Variants in ARHGAP21 observed in about 807,000 individuals in gnomAD.
The protein encoded by ARHGAP21 is Rho GTPase activating protein 21.
Under a neutral mutation model 164.6 loss-of-function variants are expected in ARHGAP21, and 38 were observed. The observed-to-expected ratio is 0.23, with a 90% CI of 0.18 to 0.30. The LOEUF (loss-of-function observed/expected upper bound fraction) is 0.30, where lower values mean the gene tolerates loss of function less well. Among genes scored for constraint, ARHGAP21 ranks in the 10% least tolerant of loss-of-function variants. The probability of loss-of-function intolerance (pLI) is 1.00; values close to 1 mark genes in which losing one functional copy is unlikely to be tolerated. For synonymous variants in ARHGAP21, 766 were observed against 857.9 expected (o/e 0.89, Z 1.87); for missense variants, 1,822 against 2,370.7 (o/e 0.77, Z 4.81).
chr10:24,656,395 G>A (rs1220515797), intron 4 of ARHGAP21, among the ~76,000 whole-genome samples: 1 of 101,388 alleles, frequency 9.9e-6, no homozygotes, highest in Admixed American at 8.5e-5. Flanking sequence ...GAGGTGGGGG[G>A]GTCAGCCCTC....
chr10:24,622,439 T>TAA (rs1834654245), intron 8 of ARHGAP21, among the ~76,000 whole-genome samples: 1 of 6,150 alleles, frequency 1.6e-4, no homozygotes, highest in African/African-American at 1.2e-3. Flanking sequence ...AAAACATATA[T>TAA]ATATATATAT....
chr10:24,712,388 G>A (rs977209206), intron 2 of ARHGAP21, among the ~76,000 whole-genome samples: 4 of 152,132 alleles, frequency 2.6e-5, no homozygotes, highest in African/African-American at 9.7e-5. Context: ...ATATTCATGG[G>A]AGATTGGTTC....
At chr10:24,723,541 G>A (rs534297990) in intron 1 of ARHGAP21, 21 bp downstream of exon 1, 6 of 147,606 alleles carry the variant, frequency 4.1e-5, no homozygotes, top group African/African-American at 7.3e-5. Flanking sequence ...GGCTGAGACG[G>A]AAAAGAAACC....
At chr10:24,633,605 G>C in intron 5 of ARHGAP21, 125 bp from the exon 6 acceptor site, 1 of 513,690 alleles carries the variant, frequency 1.9e-6, no homozygotes, top group African/African-American at 1.9e-5. Context: ...ATAAAATACA[G>C]AGTTGTGAGA....
chr10:24,719,620 A>T (rs1451372305), intron 2 of ARHGAP21, among the ~76,000 whole-genome samples: 1 of 152,244 alleles, frequency 6.6e-6, no homozygotes, highest in East Asian at 1.9e-4. Context: ...TGTAGTATCC[A>T]AACACATTAT....
intron 7 of ARHGAP21, among the ~76,000 whole-genome samples, chr10:24,626,737 T>C (rs751918249): frequency 1.2e-4 from 18 of 152,174 alleles, no homozygotes; most frequent in Non-Finnish European, 2.4e-4. Flanking sequence ...ATCATTTTGG[T>C]TTTTGGAAAT....
intron 24 of ARHGAP21, chr10:24,590,498 G>C: frequency 6.5e-6 from 10 of 1,534,088 alleles, no homozygotes; most frequent in Non-Finnish European, 8.7e-6. Context: ...CATCAGTATA[G>C]ATTTGCCTGT....
At chr10:24,614,567 C>T (rs2077395400) in intron 9 of ARHGAP21, among the ~76,000 whole-genome samples, 1 of 151,550 alleles carries the variant, frequency 6.6e-6, no homozygotes, top group African/African-American at 2.4e-5. Flanking sequence ...TTGAGGCAGG[C>T]GGATCAGGAG....
At chr10:24,637,913 G>T (rs1340462613) in intron 4 of ARHGAP21, among the ~76,000 whole-genome samples, 1 of 149,626 alleles carries the variant, frequency 6.7e-6, no homozygotes, top group Non-Finnish European at 1.5e-5. Context: ...TGCCCGGGCT[G>T]GAGTGCAGTG....
chr10:24,622,403 T>C lies in ARHGAP21; in HGVS notation c.525+330A>G, dbSNP rs549056667. ...CACAAACGTAACAGCAAAGTAGTAG[T>C]GACAGGAAGAGGGTGAGATACTTAA... On this transcript the variant is annotated intron_variant, in intron 8 of 25. Coordinates refer to ENST00000396432, the MANE Select transcript of ARHGAP21 (RefSeq NM_020824.4). Among the ~76,000 whole-genome samples, 5 of 130,428 alleles carry C rather than the reference T, an allele frequency of 3.8e-5. No individual in the cohort carries two copies. In the South Asian group the frequency reaches 1.2e-3, roughly 32 times the overall value. The allele number at this position is 130,428 out of a possible 152,430, so 85.6% of individuals were successfully genotyped here.
At chr10:24,644,078 T>A (rs1837336633) in intron 4 of ARHGAP21, among the ~76,000 whole-genome samples, 1 of 152,110 alleles carries the variant, frequency 6.6e-6, no homozygotes, top group Non-Finnish European at 1.5e-5. Context: ...TAACCTTGTC[T>A]CCCAGTTCAC....
chr10:24,630,110 G>T, intron 6 of ARHGAP21, 60 bp from the exon 7 acceptor site: 2 of 880,468 alleles, frequency 2.3e-6, no homozygotes, highest in South Asian at 2.3e-5. Context: ...AAGACTTAAT[G>T]GAAAAACAGT....
Position 24,619,841 on chromosome 10 carries a change from A to G in ARHGAP21, c.2054T>C (p.Leu685Ser). 1.2e-6 allele frequency: 2 copies of G among 1,614,186 alleles called. No individual in the cohort carries two copies. The highest frequency in any genetic ancestry group is 1.7e-6 in the Non-Finnish European group (2 of 1,180,042). ...QQVETGKSPSLSGASAKPAPQ... is the reference protein window; with the variant it reads ...QQVETGKSPSSSGASAKPAPQ... ...GGCAGGCTTGGCAGAGGCTCCAGAT[A>G]AAGAGGGGGATTTCCCAGTCTCCAC... Residue 685 changes from leucine to serine, a missense_variant, in exon 9 of 26, where the codon TTA (leucine) becomes TCA (serine). Physicochemically the swap from Leu to Ser is moderately radical, Grantham distance 145. Coordinates refer to ENST00000396432, the MANE Select transcript of ARHGAP21 (RefSeq NM_020824.4).
In ARHGAP21 at chr10:24,633,883, C is replaced by CTTTTTTTTT. The variant is rs3073324; in HGVS notation, c.362-412_362-404dup. On this transcript the variant is annotated intron_variant, in intron 5 of 25. Transcript: ENST00000396432. ...CTCCACGTACCCTGTCTTTTTTTCT[C>CTTTTTTTTT]TTTTTTTTTTTTTTTTTTTTTTTTT... 2.0e-4 allele frequency among the ~76,000 whole-genome samples: 15 copies of CTTTTTTTTT among 75,456 alleles called. 1 individual carries two copies. The highest frequency in any genetic ancestry group is 2.4e-4 in the Non-Finnish European group (10 of 40,880). The allele number at this position is 75,456 out of a possible 152,430, so 49.5% of individuals were successfully genotyped here. A position where few individuals can be genotyped will look rare whatever the true frequency, so the allele number is the denominator to read the frequency against.
intron 2 of ARHGAP21, among the ~76,000 whole-genome samples, chr10:24,693,109 A>C (rs767956275): frequency 4.6e-5 from 7 of 152,224 alleles, no homozygotes; most frequent in Non-Finnish European, 1.0e-4. Context: ...AAAAGGCATA[A>C]CAGAGGCTTC....
At chr10:24,672,517 C>T (rs985607615) in intron 2 of ARHGAP21, among the ~76,000 whole-genome samples, 1 of 152,130 alleles carries the variant, frequency 6.6e-6, no homozygotes, top group South Asian at 2.1e-4. Flanking sequence ...CAAATTATTC[C>T]CAAATCTGTA....
intron 2 of ARHGAP21, among the ~76,000 whole-genome samples, chr10:24,703,087 G>A (rs1481078439): frequency 6.6e-6 from 1 of 151,970 alleles, no homozygotes; most frequent in Non-Finnish European, 1.5e-5. Flanking sequence ...AAATGGAAAA[G>A]TGTACATAAT....
At chr10:24,593,000 T>A (rs770437624) in intron 21 of ARHGAP21, among the ~76,000 whole-genome samples, 47 of 152,204 alleles carry the variant, frequency 3.1e-4, no homozygotes, top group Non-Finnish European at 4.7e-4. Context: ...TTTGTTTTCC[T>A]TCATTAAATC....
chr10:24,590,083 T>C, intron 24 of ARHGAP21: 1 of 869,964 alleles, frequency 1.1e-6, no homozygotes, highest in Non-Finnish European at 1.5e-6. Context: ...AATACCAATT[T>C]TGAAGTTTCA....
Sources: gnomAD v4.1 joint callset for allele counts (sites outside exome capture counted in the v4.1 genomes callset) on GRCh38, gnomAD v4.1.1 for gene constraint, MANE v1.5 for transcripts, NCBI Gene and HGNC (gene_info 2026-07-23, HGNC 2026-07-21) for gene names.